ALMS1: variants seen among roughly 807,000 people sequenced by gnomAD.
ALMS1 encodes the protein ALMS1 centrosome and basal body associated protein.
In ALMS1, 271 loss-of-function variants were observed where a neutral mutation model predicts 352.2. The ratio of observed to expected loss-of-function variants is 0.77; its 90% CI spans 0.70 to 0.85. The LOEUF is 0.85. Among genes scored for constraint, ALMS1 ranks in the 40% least tolerant of loss-of-function variants. ALMS1 has a pLI of 0.00. For missense variants in ALMS1, 5,445 were observed against 4,870.7 expected, an observed-to-expected ratio of 1.12 and a Z score of -3.51; for synonymous variants, 1,865 against 1,761.2, an observed-to-expected ratio of 1.06 and a Z score of -1.48.
intron 9 of ALMS1, among the ~76,000 whole-genome samples, chr2:73,474,428 G>A (rs978018356): frequency 5.2e-5 from 7 of 134,090 alleles, no homozygotes; most frequent in Admixed American, 1.7e-4. Context: ...TTTACATGAC[G>A]GTGAAGAACT....
intron 11 of ALMS1, among the ~76,000 whole-genome samples, chr2:73,526,956 G>A (rs975484014): frequency 8.5e-5 from 13 of 152,136 alleles, no homozygotes; most frequent in Admixed American, 7.2e-4. Flanking sequence ...TCTATACCTA[G>A]TTTTTTCAGG....
At chr2:73,552,336 A>G (rs1271060781) in intron 13 of ALMS1, among the ~76,000 whole-genome samples, 8 of 152,260 alleles carry the variant, frequency 5.3e-5, no homozygotes, top group Non-Finnish European at 1.2e-4. Flanking sequence ...TTTACAAAAT[A>G]TAGTTCATAA....
intron 7 of ALMS1, among the ~76,000 whole-genome samples, chr2:73,439,551 A>G (rs1407955179): frequency 6.6e-6 from 1 of 152,002 alleles, no homozygotes; most frequent in African/African-American, 2.4e-5. Context: ...TTGTTTGTTT[A>G]TTTATTTTGA....
In ALMS1 at chr2:73,485,981, C is replaced by T. The variant is rs370431535; in HGVS notation, c.7675-3653C>T. Reference sequence around the variant, plus strand: ...GACCTGCGCCCACTGTCTGGCACTCCCTAGTTAGATGAACCCAGTACCTCA... The same window carrying T: ...GACCTGCGCCCACTGTCTGGCACTCTCTAGTTAGATGAACCCAGTACCTCA... On this transcript the variant is annotated intron_variant, in intron 9 of 22. Transcript: ENST00000613296. Among the ~76,000 whole-genome samples, 13 of 152,098 alleles carry T rather than the reference C, an allele frequency of 8.5e-5. No homozygotes were observed. In the East Asian group the frequency reaches 1.2e-3, roughly 14 times the overall value.
intron 1 of ALMS1, among the ~76,000 whole-genome samples, chr2:73,392,155 C>G (rs1670661945): frequency 6.6e-6 from 1 of 151,646 alleles, no homozygotes; most frequent in Admixed American, 6.6e-5. Context: ...GGACACAGCT[C>G]TTGATTTAAG....
intron 7 of ALMS1, among the ~76,000 whole-genome samples, chr2:73,433,920 T>G (rs1229695816): frequency 6.6e-6 from 1 of 152,212 alleles, no homozygotes; most frequent in African/African-American, 2.4e-5. Context: ...CCATGTAATC[T>G]CTTTCATTTC....
intron 21 of ALMS1, among the ~76,000 whole-genome samples, chr2:73,604,692 G>T (rs1240888466): frequency 6.6e-6 from 1 of 152,132 alleles, no homozygotes; most frequent in East Asian, 1.9e-4. Flanking sequence ...CTCAGAGAGT[G>T]GTCTGTGGAG....
intron 2 of ALMS1, among the ~76,000 whole-genome samples, chr2:73,416,872 G>A (rs1671190850): frequency 6.6e-6 from 1 of 152,060 alleles, no homozygotes; most frequent in Non-Finnish European, 1.5e-5. Context: ...CCAAGACAGG[G>A]GAATCGCTTG....
intron 12 of ALMS1, among the ~76,000 whole-genome samples, chr2:73,539,756 A>G (rs959916401): frequency 1.1e-4 from 17 of 152,344 alleles, no homozygotes; most frequent in Non-Finnish European, 1.6e-4. Context: ...GATTTGATCA[A>G]CTGGCAGAAA....
intron 9 of ALMS1, among the ~76,000 whole-genome samples, chr2:73,486,497 G>T (rs1007751634): frequency 2.6e-5 from 4 of 152,156 alleles, no homozygotes; most frequent in African/African-American, 9.7e-5. Flanking sequence ...CACCTCTACT[G>T]GGTTTTTAGC....
At chr2:73,395,576 T>G (rs1448288764) in intron 1 of ALMS1, among the ~76,000 whole-genome samples, 2 of 152,180 alleles carry the variant, frequency 1.3e-5, no homozygotes, top group African/African-American at 4.8e-5. Flanking sequence ...TTTTCTTAAT[T>G]GAATGTTTGG....
chr2:73,516,016 C>T (rs900449235), intron 10 of ALMS1, among the ~76,000 whole-genome samples: 1 of 152,006 alleles, frequency 6.6e-6, no homozygotes, highest in African/African-American at 2.4e-5. Context: ...GAACAACGTA[C>T]AGAATGGGAC....
At position 73,451,874 on chromosome 2, in the gene ALMS1, C is replaced by T. The variant is rs562434013; in HGVS notation, c.5347C>T (p.Leu1783=). 1.3e-5 allele frequency: 21 copies of T among 1,613,484 alleles called. No individual in the cohort carries two copies. In the Admixed American group the frequency reaches 2.3e-4, roughly 18 times the overall value. Residue 1783 remains leucine (L), a synonymous_variant, in exon 8 of 23, where the codon CTG becomes TTG. Coordinates refer to ENST00000613296, the MANE Select transcript of ALMS1 (RefSeq NM_001378454.1). The part of the protein sequence containing the change: ...LPDSHLTEEA[L]KVSNVPGPAD... Reference sequence around the variant, plus strand: ...AGATAGTCATCTAACTGAAGAGGCTCTGAAAGTTTCAAATGTTCCTGGACC... The same window carrying T: ...AGATAGTCATCTAACTGAAGAGGCTTTGAAAGTTTCAAATGTTCCTGGACC...
chr2:73,437,749 T>A (rs1285336362), intron 7 of ALMS1, among the ~76,000 whole-genome samples: 1 of 152,182 alleles, frequency 6.6e-6, no homozygotes, highest in Non-Finnish European at 1.5e-5. Flanking sequence ...TCTTGACATC[T>A]GAAACTGCGA....
chr2:73,435,962 A>G (rs185728422), intron 7 of ALMS1, among the ~76,000 whole-genome samples: 1 of 152,326 alleles, frequency 6.6e-6, no homozygotes, highest in Admixed American at 6.5e-5. Context: ...GTCTTTTTGT[A>G]GTTACCGATG....
At chr2:73,594,802 G>A (rs1270755828) in intron 16 of ALMS1, among the ~76,000 whole-genome samples, 1 of 152,120 alleles carries the variant, frequency 6.6e-6, no homozygotes, top group Non-Finnish European at 1.5e-5. Flanking sequence ...TTTTTTCTCA[G>A]GTCTTCACTC....
chr2:73,396,880 G>A (rs569247677), intron 1 of ALMS1, among the ~76,000 whole-genome samples: 5 of 152,094 alleles, frequency 3.3e-5, no homozygotes, highest in South Asian at 2.1e-4. Context: ...TCCTGACCTC[G>A]TGATCCACCC....
chr2:73,571,304 G>A (rs1379994064), intron 15 of ALMS1, among the ~76,000 whole-genome samples: 1 of 152,150 alleles, frequency 6.6e-6, no homozygotes, highest in East Asian at 1.9e-4. Context: ...CTAAAACAGT[G>A]TTTTGATGTC....
chr2:73,500,968 T>G (rs921741362), intron 10 of ALMS1, among the ~76,000 whole-genome samples: 1 of 152,184 alleles, frequency 6.6e-6, no homozygotes, highest in South Asian at 2.1e-4. Flanking sequence ...ATATGTGAGT[T>G]TCAGTTATTC....
Sources: allele counts gnomAD v4.1 joint callset (sites outside exome capture counted in the v4.1 genomes callset), GRCh38; gene constraint gnomAD v4.1.1; transcripts MANE v1.5; gene names NCBI Gene and HGNC (gene_info 2026-07-23, HGNC 2026-07-21).